PNPLA1: variants seen among roughly 807,000 people sequenced by gnomAD.
The protein encoded by PNPLA1 is omega-hydroxyceramide transacylase.
A neutral mutation model predicts 51.7 loss-of-function variants in PNPLA1; 36 were observed. The observed-to-expected ratio is 0.70, with a 90% CI of 0.53 to 0.92. The LOEUF (loss-of-function observed/expected upper bound fraction) is 0.92, where lower values mean the gene tolerates loss of function less well. Ranked by LOEUF, PNPLA1 falls within the 40% of genes least tolerant of loss-of-function variation. The pLI is 0.00. For synonymous variants in PNPLA1, 293 were observed against 280.1 expected (o/e 1.05, Z -0.46); for missense variants, 658 against 682.5 (o/e 0.96, Z 0.40).
intron 2 of PNPLA1, 101 bp downstream of exon 2, chr6:36,291,653 C>T (rs1456423785): frequency 7.0e-6 from 7 of 997,754 alleles, no homozygotes; most frequent in Admixed American, 6.5e-5. Context: ...CCACCTGCCT[C>T]ACTTCCCTAG....
At chr6:36,265,815 G>A (rs1769747296), upstream of PNPLA1, among the ~76,000 whole-genome samples, 1 of 152,150 alleles carries the variant, frequency 6.6e-6, no homozygotes, top group Non-Finnish European at 1.5e-5. Flanking sequence ...GATTTTTGAT[G>A]CCTTAGCCAG....
intron 1 of PNPLA1, among the ~76,000 whole-genome samples, chr6:36,280,839 G>C (rs1390919023): frequency 6.6e-6 from 1 of 152,164 alleles, no homozygotes; most frequent in East Asian, 1.9e-4. Context: ...ACCTAGGCTG[G>C]AGTGCAGAGG....
intron 1 of PNPLA1, among the ~76,000 whole-genome samples, chr6:36,289,463 G>T (rs1290111502): frequency 6.6e-6 from 1 of 152,176 alleles, no homozygotes; most frequent in Non-Finnish European, 1.5e-5. Flanking sequence ...GTTTACCTCT[G>T]TTGGCACATG....
intron 1 of PNPLA1, among the ~76,000 whole-genome samples, chr6:36,264,313 A>T (rs774199013): frequency 6.6e-6 from 1 of 152,234 alleles, no homozygotes; most frequent in Non-Finnish European, 1.5e-5. Flanking sequence ...GAAGAGAATG[A>T]TACATGTTGT....
rs368057741 is a variant in PNPLA1, at chr6:36,303,215, C to T, written c.1384+746C>T. On this transcript the variant is annotated intron_variant, in intron 6 of 8. Transcript: ENST00000636260. Reference sequence around the variant, plus strand: ...GTTCACGCCATTCTTCTGCCTCAGCCTCCCGAGTAGCTGGGACTACAGATG... The same window carrying T: ...GTTCACGCCATTCTTCTGCCTCAGCTTCCCGAGTAGCTGGGACTACAGATG... Among the ~76,000 whole-genome samples, 21 of 152,198 alleles carry T rather than the reference C, an allele frequency of 1.4e-4. No individual in the cohort carries two copies. In the South Asian group the frequency reaches 3.7e-3, roughly 27 times the overall value.
At chr6:36,246,399 G>C (rs890333412) in intron 1 of PNPLA1, among the ~76,000 whole-genome samples, 13 of 152,026 alleles carry the variant, frequency 8.6e-5, no homozygotes, top group Non-Finnish European at 1.9e-4. Context: ...ATGTTGCCTG[G>C]CCATGTTGCC....
At chr6:36,305,763 TTTCTC>T (rs1771210680) in intron 6 of PNPLA1, among the ~76,000 whole-genome samples, 1 of 144,024 alleles carries the variant, frequency 6.9e-6, no homozygotes, top group Non-Finnish European at 1.5e-5. Flanking sequence ...TTTCTTTACT[TTTCTC>T]TTTTTTTTTT....
chr6:36,292,805 C>G (rs1011000607), intron 2 of PNPLA1, among the ~76,000 whole-genome samples: 3 of 152,202 alleles, frequency 2.0e-5, no homozygotes, highest in Non-Finnish European at 4.4e-5. Context: ...TCAGAAGGAA[C>G]CCCGAAGCTA....
At chr6:36,244,820 G>T (rs866312052) in intron 1 of PNPLA1, among the ~76,000 whole-genome samples, 1 of 152,248 alleles carries the variant, frequency 6.6e-6, no homozygotes, top group African/African-American at 2.4e-5. Context: ...ACCAGGTGCA[G>T]CAAAGCCAAG....
upstream of PNPLA1, among the ~76,000 whole-genome samples, chr6:36,266,275 T>C (rs1409272814): frequency 1.3e-5 from 2 of 152,216 alleles, no homozygotes; most frequent in African/African-American, 4.8e-5. Flanking sequence ...CCCTCAAAAA[T>C]GGTGTGAGGT....
intron 5 of PNPLA1, among the ~76,000 whole-genome samples, chr6:36,296,677 T>A (rs1770866398): frequency 1.3e-5 from 2 of 152,112 alleles, no homozygotes; most frequent in Non-Finnish European, 2.9e-5. Context: ...TTCTCCTGGG[T>A]CCTTTCTCCC....
chr6:36,264,784 ATACTATT>A (rs1354935134), intron 1 of PNPLA1, among the ~76,000 whole-genome samples: 1 of 152,202 alleles, frequency 6.6e-6, no homozygotes, highest in Non-Finnish European at 1.5e-5. Context: ...AAGAAAAAAG[ATACTATT>A]TAGACTGCAT....
rs968777132 is a variant in PNPLA1, at chr6:36,313,389, A to G, written c.*1503A>G. 6.6e-6 allele frequency among the ~76,000 whole-genome samples: 1 copy of G among 152,174 alleles called. No individual in the cohort carries two copies. The highest frequency in any genetic ancestry group is 2.4e-5 in the African/African-American group (1 of 41,444). On this transcript the variant is annotated 3_prime_UTR_variant, in exon 9 of 9. Transcript: ENST00000636260. ...CCAGCTGCCCACAGGCCTCAGGTAC[A>G]TTTGCTTACCAAATCCTGAAATGCA... is the stretch of plus-strand genomic sequence containing the variant.
chr6:36,286,157 G>C (rs1770481362), intron 1 of PNPLA1, among the ~76,000 whole-genome samples: 1 of 152,218 alleles, frequency 6.6e-6, no homozygotes, highest in Admixed American at 6.5e-5. Context: ...ATCCAGTAAG[G>C]TAGGTATTCT....
chr6:36,255,429 C>T (rs1330119480), intron 1 of PNPLA1, among the ~76,000 whole-genome samples: 1 of 152,196 alleles, frequency 6.6e-6, no homozygotes, highest in Non-Finnish European at 1.5e-5. Context: ...TGCTTGAACC[C>T]GGGAGGCAGA....
At chr6:36,269,087 T>G (rs1394528534), upstream of PNPLA1, among the ~76,000 whole-genome samples, 1 of 152,228 alleles carries the variant, frequency 6.6e-6, no homozygotes, top group Non-Finnish European at 1.5e-5. Context: ...AACTGAAGCC[T>G]GGCCTTGCCC....
chr6:36,263,180 CAATTTATTACATTAA>C (rs1769690276), intron 1 of PNPLA1, among the ~76,000 whole-genome samples: 2 of 152,140 alleles, frequency 1.3e-5, no homozygotes, highest in Admixed American at 1.3e-4. Context: ...AAGAATGACA[CAATTTATTACATTAA>C]AATTTAAATC....
chr6:36,270,780 G>A, intron 1 of PNPLA1, 116 bp downstream of exon 1: 11 of 1,188,088 alleles, frequency 9.3e-6, no homozygotes, highest in Non-Finnish European at 1.3e-5. Flanking sequence ...TGGGTGGCAG[G>A]AAGGGAAGGG....
chr6:36,281,405 T>C (rs1225617685), intron 1 of PNPLA1, among the ~76,000 whole-genome samples: 2 of 152,216 alleles, frequency 1.3e-5, no homozygotes, highest in East Asian at 3.9e-4. Flanking sequence ...CTAGTGTCTT[T>C]TGAATAACAG....
Sources: allele counts gnomAD v4.1 joint callset (sites outside exome capture counted in the v4.1 genomes callset), GRCh38; gene constraint gnomAD v4.1.1; transcripts MANE v1.5; gene names NCBI Gene and HGNC (gene_info 2026-07-23, HGNC 2026-07-21).